The following KHDC1L variants were observed in gnomAD, a reference collection of about 807,000 sequenced individuals.
KHDC1L encodes KHDC1-like protein.
In KHDC1L, 5 loss-of-function variants were observed where a neutral mutation model predicts 11.2. That is an observed-to-expected ratio of 0.45 (90% confidence interval 0.23 to 0.94). KHDC1L has a LOEUF of 0.94. KHDC1L is among the 40% of genes least tolerant of loss of function. The pLI, the probability that KHDC1L is intolerant of heterozygous loss-of-function variation, is 0.22. For missense variants in KHDC1L, 168 were observed against 165.8 expected, an observed-to-expected ratio of 1.01 and a Z score of -0.07; for synonymous variants, 66 against 62.7, an observed-to-expected ratio of 1.05 and a Z score of -0.25.
chr6:73,223,773 C>A lies in KHDC1L; in HGVS notation c.362G>T (p.Ser121Ile). The A allele has an allele frequency of 6.2e-7, 1 of 1,607,434 alleles. No homozygotes were observed. Among genetic ancestry groups the A allele is most frequent in the South Asian group, 1.1e-5 (1 of 89,186 alleles). The change falls in exon 3 of 3, where the codon AGC (serine) becomes ATC (isoleucine). Residue 121 changes from serine (S) to isoleucine (I), a missense_variant. Physicochemically the swap from Ser to Ile is moderately radical, Grantham distance 142. Coordinates refer to ENST00000370388, the MANE Select transcript of KHDC1L (RefSeq NM_001126063.3). ...LTNDDLVTSVSLPPYTGD is the reference protein window; with the variant it reads ...LTNDDLVTSVILPPYTGD ...TCAGTCTCCGGTGTACGGTGGCAGGCTAACGGAGGTGACCAGGTCATCATT... is the reference window on the plus strand; with the variant it reads ...TCAGTCTCCGGTGTACGGTGGCAGGATAACGGAGGTGACCAGGTCATCATT...
Position 73,224,172 on chromosome 6 carries a change from C to T in KHDC1L, c.289G>A (p.Ala97Thr), listed in dbSNP as rs1766313577. The T allele has an allele frequency of 6.4e-7, 1 of 1,560,812 alleles. No homozygotes were observed. The highest frequency in any genetic ancestry group is 1.9e-5 in the Admixed American group (1 of 52,214). ...TTCGGCCAAGGATACCTACCTCGAG[C>T]GTGACACTTGGAGTCCTGGCTCCCC... Reference protein sequence around the residue: ...CVGSQDSKCHARGLKMLERVR... With the variant: ...CVGSQDSKCHTRGLKMLERVR... The change falls in exon 2 of 3, where the codon GCT becomes ACT. Residue 97 changes from alanine to threonine, a missense_variant. Physicochemically the swap from Ala to Thr is moderately conservative, Grantham distance 58. Transcript: ENST00000370388.
Position 73,224,666 on chromosome 6 carries a change from C to A in KHDC1L, c.113-318G>T, listed in dbSNP as rs1310101553. On this transcript the variant is annotated intron_variant, in intron 1 of 2. Transcript: ENST00000370388. ...TGGCAGGCGCCTGTAGTCCCAGCTCCTCGGGAGGCTGCGGCAGGAGAATGG... is the reference window on the plus strand; with the variant it reads ...TGGCAGGCGCCTGTAGTCCCAGCTCATCGGGAGGCTGCGGCAGGAGAATGG... Among the ~76,000 whole-genome samples the A allele has an allele frequency of 6.2e-5, 9 of 145,296 alleles. 1 individual carries two copies. The South Asian group carries it at 2.0e-3, about 33-fold the overall frequency.
At chr6:73,224,661 A>G (rs919269551) in intron 1 of KHDC1L, among the ~76,000 whole-genome samples, 3 of 150,676 alleles carry the variant, frequency 2.0e-5, no homozygotes, top group Non-Finnish European at 4.4e-5. Context: ...CTGTAGTCCC[A>G]GCTCCTCGGG....
chr6:73,225,466 A>G lies in KHDC1L; in HGVS notation c.-58T>C. On this transcript the variant is annotated 5_prime_UTR_variant, in exon 1 of 3. Transcript: ENST00000370388. ...AGTCTAACAAACTGGTTGGCAAAAGACTTGGAAAAGCGAGGAAGGGCCTAG... is the reference window on the plus strand; with the variant it reads ...AGTCTAACAAACTGGTTGGCAAAAGGCTTGGAAAAGCGAGGAAGGGCCTAG... The G allele has an allele frequency of 7.4e-7, 1 of 1,351,414 alleles. No individual in the cohort carries two copies. The highest frequency in any genetic ancestry group is 1.1e-6 in the Non-Finnish European group (1 of 947,888). 83.7% of individuals were successfully genotyped at this position (1,351,414 alleles called of 1,614,324 possible). A position where few individuals can be genotyped will look rare whatever the true frequency, so the allele number is the denominator to read the frequency against.
At position 73,225,470 on chromosome 6, in the gene KHDC1L, G is replaced by C. The variant is rs1435333470; in HGVS notation, c.-62C>G. The C allele has an allele frequency of 2.0e-5, 24 of 1,214,388 alleles. No homozygotes were observed. In the Admixed American group the frequency reaches 3.3e-4, roughly 17 times the overall value. The allele number at this position is 1,214,388 out of a possible 1,614,324, so 75.2% of individuals were successfully genotyped here. A position where few individuals can be genotyped will look rare whatever the true frequency, so the allele number is the denominator to read the frequency against. ...TAACAAACTGGTTGGCAAAAGACTT[G>C]GAAAAGCGAGGAAGGGCCTAGGCTC... On this transcript the variant is annotated 5_prime_UTR_variant, in exon 1 of 3. Coordinates refer to ENST00000370388, the MANE Select transcript of KHDC1L (RefSeq NM_001126063.3).
At chr6:73,224,408 G>T (rs2150538804) in intron 1 of KHDC1L, 60 bp from the exon 2 acceptor site, 1 of 1,440,352 alleles carries the variant, frequency 6.9e-7, no homozygotes, top group Non-Finnish European at 9.3e-7. Context: ...GGAGTGAGGA[G>T]GTGGCCTTGA....
At chr6:73,224,498 A>T in intron 1 of KHDC1L, 150 bp from the exon 2 acceptor site, 1 of 673,578 alleles carries the variant, frequency 1.5e-6, no homozygotes, top group South Asian at 2.1e-5. Flanking sequence ...AGGCCGGCCT[A>T]GCGCAGTGAC....
chr6:73,224,790 A>C lies in KHDC1L; in HGVS notation c.113-442T>G, dbSNP rs1204430012. On this transcript the variant is annotated intron_variant, in intron 1 of 2. Coordinates refer to ENST00000370388, the MANE Select transcript of KHDC1L (RefSeq NM_001126063.3). ...CCATATCAAAAAAAAAAAAAAAAAA[A>C]AAAACACGAGGCCGGGCGCAGTGGC... Among the ~76,000 whole-genome samples, 8 of 145,994 alleles carry C rather than the reference A, an allele frequency of 5.5e-5. No individual in the cohort carries two copies. The South Asian group carries it at 1.5e-3, about 28-fold the overall frequency.
intron 2 of KHDC1L, 143 bp from the exon 3 acceptor site, chr6:73,223,982 AC>A: frequency 1.0e-6 from 1 of 971,370 alleles, no homozygotes; most frequent in Non-Finnish European, 1.5e-6. Flanking sequence ...CCTCCCTGCT[AC>A]CCTCTCCTCC....
chr6:73,224,701 G>A (rs1246242018), intron 1 of KHDC1L, among the ~76,000 whole-genome samples: 40 of 147,748 alleles, frequency 2.7e-4, no homozygotes, highest in African/African-American at 9.1e-4. Context: ...GCGTGAACCC[G>A]GGAGGCGGAG....
chr6:73,224,771 C>CAAAAA (rs3044250), intron 1 of KHDC1L, among the ~76,000 whole-genome samples: 76 of 41,012 alleles, frequency 1.9e-3, no homozygotes, highest in Admixed American at 2.6e-3. Flanking sequence ...GATTCCATAT[C>CAAAAA]AAAAAAAAAA....
At chr6:73,223,963 C>A in intron 2 of KHDC1L, 124 bp from the exon 3 acceptor site, 1 of 980,292 alleles carries the variant, frequency 1.0e-6, no homozygotes, top group Non-Finnish European at 1.5e-6. Flanking sequence ...CCAAGGTAAC[C>A]CATTTACTCC....
At position 73,224,321 on chromosome 6, in the gene KHDC1L, A is replaced by G. The variant is rs182024970; in HGVS notation, c.140T>C (p.Ile47Thr). ...AATAAGGGTGTGGCTGTGCAGCTCA[A>G]TGCAGCGAAGGTACGTGTCATCAAG... The part of the protein sequence containing the change: ...FGLDDTYLRC[I>T]ELHSHTLIQL... Residue 47 changes from isoleucine to threonine, a missense_variant, in exon 2 of 3, where the codon ATT becomes ACT. Transcript: ENST00000370388. The G allele has an allele frequency of 7.6e-4, 1,207 of 1,591,862 alleles. 15 individuals carry two copies. The Admixed American group carries it at 0.014, about 19-fold the overall frequency.
At chr6:73,225,191 CAA>C in intron 1 of KHDC1L, 104 bp downstream of exon 1, 1 of 1,035,272 alleles carries the variant, frequency 9.7e-7, no homozygotes. Flanking sequence ...CACTTGAACC[CAA>C]AAGGCAGACG....
chr6:73,224,394 T>C (rs768270436), intron 1 of KHDC1L, 46 bp from the exon 2 acceptor site: 5 of 1,484,322 alleles, frequency 3.4e-6, no homozygotes, highest in Non-Finnish European at 4.5e-6. Context: ...CCACCAGTCC[T>C]TGGGGAGTGA....
intron 1 of KHDC1L, 135 bp downstream of exon 1, chr6:73,225,162 C>A (rs926125184): frequency 1.5e-6 from 1 of 676,778 alleles, no homozygotes; most frequent in Admixed American, 2.9e-5. Context: ...AGGTACTCTG[C>A]AGGCTGAAGC....
In KHDC1L at chr6:73,225,355, T is replaced by C; in HGVS notation, c.54A>G (p.Glu18=). 1 of 1,614,164 alleles carries C rather than the reference T, an allele frequency of 6.2e-7. No individual in the cohort carries two copies. The highest frequency in any genetic ancestry group is 8.5e-7 in the Non-Finnish European group (1 of 1,179,998). The change falls in exon 1 of 3, where the codon GAA becomes GAG. Residue 18 remains glutamate (E), a synonymous_variant. Transcript: ENST00000370388. ...GGAACACCATTGGAGAATGAAAGTT[T>C]TCGGGCAGGGTCCACCACGGCTCCT... ...LSKEPWWTLP[E]NFHSPMVFHM...
intron 1 of KHDC1L, 48 bp from the exon 2 acceptor site, chr6:73,224,396 G>A: frequency 6.8e-7 from 1 of 1,475,172 alleles, no homozygotes; most frequent in South Asian, 1.4e-5. Flanking sequence ...ACCAGTCCTT[G>A]GGGAGTGAGG....
intron 1 of KHDC1L, among the ~76,000 whole-genome samples, chr6:73,225,012 G>A (rs2882497): frequency 0.084 from 12,676 of 150,174 alleles, 606 homozygotes; most frequent in East Asian, 0.14. Context: ...GAACCCGGGA[G>A]GCAGAGCTTG....
Sources: gnomAD v4.1 joint callset for allele counts (sites outside exome capture counted in the v4.1 genomes callset) on GRCh38, gnomAD v4.1.1 for gene constraint, MANE v1.5 for transcripts, NCBI Gene and HGNC (gene_info 2026-07-23, HGNC 2026-07-21) for gene names.